The following TTC1 variants were observed in gnomAD, a reference collection of about 807,000 sequenced individuals.
TTC1 encodes the protein tetratricopeptide repeat domain 1, also known as tetratricopeptide repeat protein 1.
Under a neutral mutation model 37.6 loss-of-function variants are expected in TTC1, and 31 were observed. The observed-to-expected ratio is 0.82, with a 90% CI of 0.62 to 1.11. The LOEUF (loss-of-function observed/expected upper bound fraction) is 1.11. Among genes scored for constraint, TTC1 ranks in the 50% most tolerant of loss-of-function variants. TTC1 has a pLI of 0.00. For missense variants in TTC1, 351 were observed against 339.0 expected (o/e 1.04, Z -0.28); for synonymous variants, 127 against 122.4 (o/e 1.04, Z -0.25).
intron 4 of TTC1, among the ~76,000 whole-genome samples, chr5:160,041,335 T>C (rs376156808): frequency 2.7e-5 from 4 of 147,756 alleles, no homozygotes; most frequent in South Asian, 2.1e-4. Context: ...TTTTTGGAGA[T>C]AGAGTTACTC....
intron 7 of TTC1, among the ~76,000 whole-genome samples, chr5:160,053,472 G>A (rs1004082592): frequency 2.6e-5 from 4 of 152,118 alleles, no homozygotes; most frequent in Non-Finnish European, 4.4e-5. Context: ...GCTGCTGTGG[G>A]AGGATCACTT....
At chr5:160,038,157 G>C (rs1240159523) in intron 4 of TTC1, among the ~76,000 whole-genome samples, 1 of 151,816 alleles carries the variant, frequency 6.6e-6, no homozygotes, top group Non-Finnish European at 1.5e-5. Context: ...TATTTCATGT[G>C]GCATGAGAGA....
At chr5:160,039,443 T>C (rs1348325563) in intron 4 of TTC1, among the ~76,000 whole-genome samples, 1 of 152,046 alleles carries the variant, frequency 6.6e-6, no homozygotes, top group Non-Finnish European at 1.5e-5. Flanking sequence ...ATAAAAATTA[T>C]GAAAGAATGG....
rs77655898 is a variant in TTC1, at chr5:160,045,402, T to C, written c.541+2233T>C. Among the ~76,000 whole-genome samples the C allele has an allele frequency of 6.9e-3, 1,041 of 151,278 alleles. 19 individuals are homozygous for C. The highest frequency in any genetic ancestry group is 0.063 in the East Asian group (320 of 5,108). On this transcript the variant is annotated intron_variant, in intron 5 of 7. Transcript: ENST00000231238. ...GCATTGTATTCATAGGCAAATTACA[T>C]TTATATCAATATGGTTTGTTTGTAT... is the stretch of plus-strand genomic sequence containing the variant.
At chr5:160,020,981 C>A (rs905778354) in intron 2 of TTC1, among the ~76,000 whole-genome samples, 4 of 152,210 alleles carry the variant, frequency 2.6e-5, no homozygotes, top group East Asian at 1.9e-4. Context: ...AGGGTAGGGA[C>A]CGCTGCTCTA....
chr5:160,030,855 G>C (rs1386750628), intron 2 of TTC1, among the ~76,000 whole-genome samples: 1 of 152,158 alleles, frequency 6.6e-6, no homozygotes, highest in East Asian at 1.9e-4. Flanking sequence ...GTATGTAAGG[G>C]TTTTAACCAC....
intron 2 of TTC1, among the ~76,000 whole-genome samples, chr5:160,019,110 G>A (rs539759506): frequency 6.6e-6 from 1 of 152,184 alleles, no homozygotes; most frequent in South Asian, 2.1e-4. Flanking sequence ...CATTTCAATG[G>A]GTTTGCTCCC....
chr5:160,048,838 C>T (rs978608535), intron 5 of TTC1, among the ~76,000 whole-genome samples: 3 of 152,158 alleles, frequency 2.0e-5, no homozygotes, highest in African/African-American at 7.2e-5. Flanking sequence ...GTAATCCCAG[C>T]TACGTGGGAG....
chr5:160,045,753 T>C (rs1413673315), intron 5 of TTC1, among the ~76,000 whole-genome samples: 1 of 151,962 alleles, frequency 6.6e-6, no homozygotes, highest in Non-Finnish European at 1.5e-5. Context: ...TTTTTTATTT[T>C]ATTTTTTGGG....
intron 2 of TTC1, among the ~76,000 whole-genome samples, chr5:160,024,445 G>A (rs995641764): frequency 6.6e-6 from 1 of 152,046 alleles, no homozygotes; most frequent in Non-Finnish European, 1.5e-5. Context: ...CATCTTTTCT[G>A]TTCCAGGATC....
At chr5:160,048,821 C>T (rs1757326195) in intron 5 of TTC1, among the ~76,000 whole-genome samples, 4 of 152,144 alleles carry the variant, frequency 2.6e-5, no homozygotes, top group Admixed American at 2.6e-4. Context: ...CATGGTGGCG[C>T]ATGCCTGTAA....
rs1320880490 is a variant in TTC1 at position 160,065,302 on chromosome 5, C to T, written c.*237C>T. The T allele has an allele frequency of 1.2e-5, 8 of 658,360 alleles. No homozygotes were observed. The highest frequency in any genetic ancestry group is 1.9e-5 in the Non-Finnish European group (7 of 367,482). 40.8% of individuals were successfully genotyped at this position (658,360 alleles called of 1,614,324 possible). ...GTGGTGTCTGTGCAGCTGGTGTCCC[C>T]GATTCTGGCTGTCCTATGTCCAGGA... On this transcript the variant is annotated 3_prime_UTR_variant, in exon 8 of 8. Coordinates refer to ENST00000231238, the MANE Select transcript of TTC1 (RefSeq NM_003314.3).
At chr5:160,047,365 G>T (rs1429408697) in intron 5 of TTC1, among the ~76,000 whole-genome samples, 1 of 152,136 alleles carries the variant, frequency 6.6e-6, no homozygotes, top group Non-Finnish European at 1.5e-5. Flanking sequence ...GTTCTTTCGT[G>T]TCACATGGCT....
intron 2 of TTC1, among the ~76,000 whole-genome samples, chr5:160,017,109 C>G (rs937864699): frequency 1.3e-5 from 2 of 152,102 alleles, no homozygotes; most frequent in Non-Finnish European, 2.9e-5. Context: ...TTGAGATGTA[C>G]TAGGTATGTG....
At chr5:160,045,549 CT>C (rs1561635050) in intron 5 of TTC1, among the ~76,000 whole-genome samples, 18 of 145,732 alleles carry the variant, frequency 1.2e-4, no homozygotes, top group Middle Eastern at 3.6e-3. Context: ...CTCTCTCTCT[CT>C]CTCCCCCTCC....
At chr5:160,060,622 T>C (rs1753341113) in intron 7 of TTC1, among the ~76,000 whole-genome samples, 1 of 152,166 alleles carries the variant, frequency 6.6e-6, no homozygotes, top group East Asian at 1.9e-4. Flanking sequence ...ATAGGCTAGT[T>C]TGGCACATGA....
At chr5:160,039,922 A>T (rs1208492242) in intron 4 of TTC1, among the ~76,000 whole-genome samples, 1 of 152,240 alleles carries the variant, frequency 6.6e-6, no homozygotes, top group African/African-American at 2.4e-5. Context: ...AAATACAGAT[A>T]ACATAAAGTT....
At chr5:160,009,755 G>GC (rs899606647) in intron 1 of TTC1, among the ~76,000 whole-genome samples, 3 of 152,102 alleles carry the variant, frequency 2.0e-5, no homozygotes, top group Non-Finnish European at 4.4e-5. Flanking sequence ...CCTGACTCTG[G>GC]CCCCCACGGT....
intron 2 of TTC1, among the ~76,000 whole-genome samples, chr5:160,027,069 C>T (rs1334173593): frequency 6.7e-6 from 1 of 150,230 alleles, no homozygotes; most frequent in Non-Finnish European, 1.5e-5. Context: ...CACTTTGTTG[C>T]CCAGGCTGGA....
Sources: allele counts gnomAD v4.1 joint callset (sites outside exome capture counted in the v4.1 genomes callset), GRCh38; gene constraint gnomAD v4.1.1; transcripts MANE v1.5; gene names NCBI Gene and HGNC (gene_info 2026-07-23, HGNC 2026-07-21).